Variants in TRMT44 observed in about 807,000 individuals in gnomAD.
The protein encoded by TRMT44 is probable tRNA (uracil-O(2)-)-methyltransferase.
In TRMT44, 78 loss-of-function variants were observed where a neutral mutation model predicts 77.3. The ratio of observed to expected loss-of-function variants is 1.01; its 90% confidence interval spans 0.84 to 1.22. TRMT44 has a LOEUF of 1.22. Ranked by LOEUF, TRMT44 falls within the 50% of genes most tolerant of loss-of-function variation. The pLI is 0.00. For synonymous variants in TRMT44, 391 were observed against 383.3 expected (o/e 1.02, Z -0.23); for missense variants, 1,090 against 964.4 (o/e 1.13, Z -1.73).
chr4:8,487,459 C>T (rs890119428), intron 2 of TRMT44, among the ~76,000 whole-genome samples: 7 of 150,270 alleles, frequency 4.7e-5, no homozygotes, highest in African/African-American at 9.8e-5. Context: ...GATAAGAGGT[C>T]GGGGCATGGA....
chr4:8,485,123 A>G (rs1363299342), intron 2 of TRMT44, among the ~76,000 whole-genome samples: 1 of 152,236 alleles, frequency 6.6e-6, no homozygotes. Flanking sequence ...GGCTGAAGTA[A>G]TGAGGGCTGT....
intron 2 of TRMT44, among the ~76,000 whole-genome samples, chr4:8,449,200 A>G (rs528793280): frequency 6.6e-6 from 1 of 152,348 alleles, no homozygotes; most frequent in Non-Finnish European, 1.5e-5. Context: ...ATGGCAGAAG[A>G]CATGTGAAAG....
chr4:8,462,774 G>A (rs1299947875), intron 6 of TRMT44, among the ~76,000 whole-genome samples: 1 of 152,188 alleles, frequency 6.6e-6, no homozygotes, highest in East Asian at 1.9e-4. Flanking sequence ...GATATCTAGT[G>A]CTGTTGGCAA....
At chr4:8,488,793 C>T (rs1384196519) in intron 2 of TRMT44, among the ~76,000 whole-genome samples, 1 of 152,202 alleles carries the variant, frequency 6.6e-6, no homozygotes, top group African/African-American at 2.4e-5. Flanking sequence ...GCAGACTCTT[C>T]AGCTGAAGCT....
At chr4:8,474,431 A>G (rs1727231634) in intron 10 of TRMT44, among the ~76,000 whole-genome samples, 1 of 152,198 alleles carries the variant, frequency 6.6e-6, no homozygotes, top group South Asian at 2.1e-4. Flanking sequence ...GTGGGAGGGC[A>G]AACAGGGTCA....
At position 8,465,413 on chromosome 4, in the gene TRMT44, G is replaced by A; in HGVS notation, c.1346G>A (p.Cys449Tyr). 6.2e-7 allele frequency: 1 copy of A among 1,613,720 alleles called. No individual in the cohort carries two copies. Among genetic ancestry groups the A allele is most frequent in the Non-Finnish European group, 8.5e-7 (1 of 1,179,916 alleles). The change falls in exon 8 of 11, where the codon TGC (cysteine) becomes TAC (tyrosine). Residue 449 changes from cysteine to tyrosine, a missense_variant. Cys to Tyr is a radical substitution (Grantham distance 194, BLOSUM62 -2). Transcript: ENST00000389737. ...AATTGCCGCTTCTTTGTCCTCCCCT[G>A]CTGCTTCTTTGACTTCATTGGAAGA... ...SYNCRFFVLP[C>Y]CFFDFIGRYS...
rs1727337940 is a variant in TRMT44 at position 8,475,802 on chromosome 4, G to A, written c.2075G>A (p.Trp692Ter). 1.2e-6 allele frequency: 2 copies of A among 1,614,176 alleles called. No homozygotes were observed. Among genetic ancestry groups the A allele is most frequent in the Non-Finnish European group, 1.7e-6 (2 of 1,180,052 alleles). Residue 692 changes from tryptophan (W) to a stop codon, truncating the protein, a stop_gained, in exon 11 of 11, where the codon TGG becomes TAG. Coordinates refer to ENST00000389737, the MANE Select transcript of TRMT44 (RefSeq NM_152544.3). LOFTEE classifies it low-confidence loss of function (END_TRUNC). ...AATGGGAGAGTTCACATCCGCGACT[G>A]GCGAGAGGAGACACTGTGGAAGACA... ...VVNGRVHIRD[W>*]REETLWKTKQ...
Position 8,485,367 on chromosome 4 carries a change from C to T in TRMT44, n.3891+5834C>T, listed in dbSNP as rs367624700. Among the ~76,000 whole-genome samples the T allele has an allele frequency of 6.9e-4, 105 of 152,264 alleles. 1 individual carries two copies. In the East Asian group the frequency reaches 0.018, roughly 25 times the overall value. On this transcript the variant is annotated intron_variant and non_coding_transcript_variant, in intron 2 of 2. Transcript: ENST00000511366. ...AGGCAAAACAATTTGGTTGATAAGG[C>T]GCAGATCCTGAACTAATCTGTAAGA...
At chr4:8,465,283 C>A in intron 7 of TRMT44, 95 bp from the exon 8 acceptor site, 1 of 1,224,932 alleles carries the variant, frequency 8.2e-7, no homozygotes, top group South Asian at 1.5e-5. Flanking sequence ...CCCTATTTTG[C>A]CCTGATATGC....
the TRMT44 span, among the ~76,000 whole-genome samples, chr4:8,514,286 G>T: frequency 1.5e-5 from 2 of 132,920 alleles, no homozygotes; most frequent in African/African-American, 5.9e-5. Flanking sequence ...ACAAAGTCTC[G>T]TTCTTTTGCT....
At chr4:8,471,898 C>T (rs1425625507) in intron 10 of TRMT44, among the ~76,000 whole-genome samples, 1 of 152,212 alleles carries the variant, frequency 6.6e-6, no homozygotes, top group Non-Finnish European at 1.5e-5. Flanking sequence ...GGTGTACACA[C>T]TTCCATCATC....
In TRMT44 at chr4:8,451,951, CTG is replaced by C; in HGVS notation, c.955-7_955-6del. 4.6e-6 allele frequency: 7 copies of C among 1,536,486 alleles called. No individual in the cohort carries two copies. Among genetic ancestry groups the C allele is most frequent in the Non-Finnish European group, 5.2e-6 (6 of 1,146,870 alleles). On this transcript the variant is annotated splice_polypyrimidine_tract_variant and splice_region_variant and intron_variant, in intron 3 of 10. Coordinates refer to ENST00000389737, the MANE Select transcript of TRMT44 (RefSeq NM_152544.3). This position sits in a 1 kb window ranked among gnomAD's most constrained non-coding sequence, Gnocchi z 4.1. ...GAACAATTTATGTTTGCTCTTGAAA[CTG>C]TTTTAGGTGTGGCCTGAAGTCACTG...
chr4:8,470,618 T>C (rs1403212096), intron 9 of TRMT44, among the ~76,000 whole-genome samples: 4 of 152,198 alleles, frequency 2.6e-5, no homozygotes, highest in African/African-American at 9.6e-5. Flanking sequence ...GTGCCTAGCA[T>C]GGCCTTGCTG....
downstream of TRMT44, among the ~76,000 whole-genome samples, chr4:8,497,437 A>T (rs1349744761): frequency 1.3e-5 from 2 of 152,130 alleles, no homozygotes; most frequent in Non-Finnish European, 2.9e-5. Context: ...CAAGGTCAGG[A>T]GATCGAGACC....
the TRMT44 span, among the ~76,000 whole-genome samples, chr4:8,512,986 C>G: frequency 8.5e-5 from 13 of 152,168 alleles, no homozygotes; most frequent in Non-Finnish European, 1.3e-4. Flanking sequence ...AATCTCAGCT[C>G]ACTGCAACCT....
chr4:8,440,863 C>G lies in TRMT44; in HGVS notation c.41C>G (p.Ala14Gly). ...CGTACCGGGATCAGCTACCCAGGCGCGCTTCTCCCACAGGGCTTCTGGGCT... is the reference window on the plus strand; with the variant it reads ...CGTACCGGGATCAGCTACCCAGGCGGGCTTCTCCCACAGGGCTTCTGGGCT... ...VGRTGISYPGALLPQGFWAAV... is the reference protein window; with the variant it reads ...VGRTGISYPGGLLPQGFWAAV... The change falls in exon 1 of 11, where the codon GCG (alanine) becomes GGG (glycine). Residue 14 changes from alanine (A) to glycine (G), a missense_variant. Physicochemically the swap from Ala to Gly is moderately conservative, Grantham distance 60. Transcript: ENST00000389737. 1 of 1,518,972 alleles carries G rather than the reference C, an allele frequency of 6.6e-7. No homozygotes were observed. The allele number at this position is 1,518,972 out of a possible 1,614,324, so 94.1% of individuals were successfully genotyped here. A position where few individuals can be genotyped will look rare whatever the true frequency, so the allele number is the denominator to read the frequency against.
At position 8,449,790 on chromosome 4, in the gene TRMT44, A is replaced by G. The variant is rs1725306097; in HGVS notation, c.856A>G (p.Lys286Glu). 6.5e-7 allele frequency: 1 copy of G among 1,536,028 alleles called. No homozygotes were observed. The highest frequency in any genetic ancestry group is 8.7e-7 in the Non-Finnish European group (1 of 1,146,870). Reference sequence around the variant, plus strand: ...GTTGGCCAAGTGGTCTGTAGAGAACAAGAAGAGTGACTTTAAAAGCACCCT... The same window carrying G: ...GTTGGCCAAGTGGTCTGTAGAGAACGAGAAGAGTGACTTTAAAAGCACCCT... ...AKLAKWSVEN[K>E]KSDFKSTLSL... Residue 286 changes from lysine to glutamate, a missense_variant, in exon 3 of 11, where the codon AAG becomes GAG. Physicochemically the swap from Lys to Glu is moderately conservative, Grantham distance 56 (BLOSUM62 1). Transcript: ENST00000389737.
In TRMT44 at chr4:8,454,800, A is replaced by G. The variant is rs1258981158; in HGVS notation, c.1190A>G (p.Gln397Arg). The change falls in exon 6 of 11, where the codon CAA becomes CGA. Residue 397 changes from glutamine to arginine, a missense_variant. By Grantham distance (43) the Gln-to-Arg change is conservative (BLOSUM62 1). Transcript: ENST00000389737. Reference protein sequence around the residue: ...RRKIWDMYGPQTQLEEDAITP... With the variant: ...RRKIWDMYGPRTQLEEDAITP... ...AAAATCTGGGACATGTATGGACCAC[A>G]AACTCAGTTAGAGGTACCGTCTTTA... The G allele has an allele frequency of 1.2e-6, 2 of 1,614,218 alleles. No homozygotes were observed. Among genetic ancestry groups the G allele is most frequent in the Admixed American group, 3.3e-5 (2 of 60,038 alleles).
chr4:8,491,069 G>A lies in TRMT44; in HGVS notation n.3892-2197G>A, dbSNP rs369025018. On this transcript the variant is annotated intron_variant and non_coding_transcript_variant, in intron 2 of 2. Transcript: ENST00000511366. ...AACCTTGAGCTAGATACAGAGTGCC[G>A]ATTGGTGTATTTACAATCCCTGAGC... Among the ~76,000 whole-genome samples the A allele has an allele frequency of 1.6e-4, 24 of 151,102 alleles. No homozygotes were observed. The East Asian group carries it at 2.9e-3, about 18-fold the overall frequency.
Sources: gnomAD v4.1 joint callset for allele counts (sites outside exome capture counted in the v4.1 genomes callset) on GRCh38, gnomAD v4.1.1 for gene constraint, Gnocchi (gnomAD v3.1) non-coding constraint, MANE v1.5 for transcripts, NCBI Gene and HGNC (gene_info 2026-07-23, HGNC 2026-07-21) for gene names.